ALK: variants seen among roughly 807,000 people sequenced by gnomAD.
ALK encodes ALK tyrosine kinase receptor.
A neutral mutation model predicts 163.1 loss-of-function variants in ALK; 74 were observed. The ratio of observed to expected loss-of-function variants is 0.45; its 90% CI spans 0.38 to 0.55. ALK has a LOEUF of 0.55. Among genes scored for constraint, ALK ranks in the 20% least tolerant of loss-of-function variants. ALK has a pLI of 0.00. For missense variants in ALK, 2,063 were observed against 2,105.3 expected (o/e 0.98, Z 0.39); for synonymous variants, 960 against 843.2 (o/e 1.14, Z -2.40).
intron 3 of ALK, among the ~76,000 whole-genome samples, chr2:29,677,436 A>T (rs1366485563): frequency 6.6e-6 from 1 of 151,820 alleles, no homozygotes; most frequent in Non-Finnish European, 1.5e-5. Context: ...GGTGCTCTTT[A>T]TTAGGTTAAG....
chr2:29,843,033 A>C (rs1665742362), intron 1 of ALK, among the ~76,000 whole-genome samples: 3 of 152,218 alleles, frequency 2.0e-5, no homozygotes, highest in African/African-American at 7.2e-5. Flanking sequence ...CACTGTATGA[A>C]GTCCCCAGAA....
At chr2:29,403,649 G>A (rs1025345569) in intron 4 of ALK, among the ~76,000 whole-genome samples, 2 of 138,302 alleles carry the variant, frequency 1.4e-5, no homozygotes, top group Non-Finnish European at 3.0e-5. Context: ...GCTGAGTCAG[G>A]AGGATCATTT....
rs370314651 is a variant in ALK, at chr2:29,755,608, G to A, written c.668-37911C>T. ...GAATGAGAGACAGGCTCACCATTCCGGGGTCCCCTGCATGTGCCAGGCAAC... is the reference window on the plus strand; with the variant it reads ...GAATGAGAGACAGGCTCACCATTCCAGGGTCCCCTGCATGTGCCAGGCAAC... On this transcript the variant is annotated intron_variant, in intron 1 of 28. Coordinates refer to ENST00000389048, the MANE Select transcript of ALK (RefSeq NM_004304.5). Among the ~76,000 whole-genome samples, 14 of 152,276 alleles carry A rather than the reference G, an allele frequency of 9.2e-5. 1 individual carries two copies. The highest frequency in any genetic ancestry group is 3.1e-4 in the African/African-American group (13 of 41,566).
intron 8 of ALK, among the ~76,000 whole-genome samples, chr2:29,307,939 C>T (rs1285878327): frequency 1.3e-5 from 2 of 152,148 alleles, no homozygotes; most frequent in Non-Finnish European, 2.9e-5. Flanking sequence ...AGCCAGGGAA[C>T]ACCAGTGGAC....
At chr2:29,695,279 T>TGA (rs758676449) in intron 2 of ALK, among the ~76,000 whole-genome samples, 7 of 152,246 alleles carry the variant, frequency 4.6e-5, no homozygotes, top group Non-Finnish European at 5.9e-5. Context: ...GGTTGAATGG[T>TGA]GAGAAGCTCT....
At chr2:29,203,854 G>A (rs1001310955) in intron 26 of ALK, among the ~76,000 whole-genome samples, 4 of 151,942 alleles carry the variant, frequency 2.6e-5, no homozygotes, top group African/African-American at 9.7e-5. Flanking sequence ...TTTATGTCCT[G>A]TGCTAGGAAA....
At chr2:29,713,607 T>G (rs1230735191) in intron 2 of ALK, among the ~76,000 whole-genome samples, 1 of 152,152 alleles carries the variant, frequency 6.6e-6, no homozygotes, top group Admixed American at 6.5e-5. Context: ...AAGCTCATCT[T>G]TGAAATAACT....
At chr2:29,319,587 T>G (rs1238095155) in intron 7 of ALK, among the ~76,000 whole-genome samples, 1 of 152,094 alleles carries the variant, frequency 6.6e-6, no homozygotes, top group Non-Finnish European at 1.5e-5. Flanking sequence ...GTAGAAGTCA[T>G]GGAGAGGTGG....
chr2:29,914,423 A>ATGG (rs1376513286), intron 1 of ALK, among the ~76,000 whole-genome samples: 1 of 152,220 alleles, frequency 6.6e-6, no homozygotes. Flanking sequence ...AGACAGACTA[A>ATGG]AATGTATATG....
intron 1 of ALK, among the ~76,000 whole-genome samples, chr2:29,831,108 G>GAGA (rs1187040597): frequency 7.9e-5 from 2 of 25,466 alleles, no homozygotes; most frequent in African/African-American, 1.5e-4. Flanking sequence ...GGAGGAGGAG[G>GAGA]AGAAGAAGAA....
intron 1 of ALK, among the ~76,000 whole-genome samples, chr2:29,902,289 A>T (rs1385882752): frequency 6.6e-6 from 1 of 152,192 alleles, no homozygotes; most frequent in African/African-American, 2.4e-5. Flanking sequence ...CTTGCTGGCA[A>T]AAAGTGCTAG....
chr2:29,771,534 C>G (rs1558481082), intron 1 of ALK, among the ~76,000 whole-genome samples: 1 of 148,968 alleles, frequency 6.7e-6, no homozygotes. Flanking sequence ...GAATTCTTCT[C>G]TTTTTTTTTT....
At chr2:29,229,265 T>C (rs1385738533) in intron 15 of ALK, among the ~76,000 whole-genome samples, 199 bp from the exon 16 acceptor site, 16 of 152,178 alleles carry the variant, frequency 1.1e-4, no homozygotes, top group Admixed American at 9.2e-4. Flanking sequence ...GAGACCTGTT[T>C]GGCCACAGCT....
intron 5 of ALK, among the ~76,000 whole-genome samples, chr2:29,371,672 G>A (rs139399344): frequency 2.3e-3 from 357 of 152,294 alleles, no homozygotes; most frequent in African/African-American, 7.9e-3. Flanking sequence ...GACTTGGTAC[G>A]TCAGTTTAGA....
chr2:29,554,814 G>C (rs966975582), intron 3 of ALK, among the ~76,000 whole-genome samples: 1 of 152,160 alleles, frequency 6.6e-6, no homozygotes, highest in Non-Finnish European at 1.5e-5. Context: ...TAAAGACCTT[G>C]CTGATAAAAC....
At chr2:29,304,493 T>TTA (rs376564076) in intron 8 of ALK, among the ~76,000 whole-genome samples, 1 of 125,440 alleles carries the variant, frequency 8.0e-6, no homozygotes, top group Non-Finnish European at 1.6e-5. Context: ...AGACTGTGTC[T>TTA]AAAAAAAAAA....
At chr2:29,862,418 G>A (rs1355721532) in intron 1 of ALK, among the ~76,000 whole-genome samples, 1 of 152,072 alleles carries the variant, frequency 6.6e-6, no homozygotes, top group Non-Finnish European at 1.5e-5. Context: ...CCAACGAACT[G>A]TTAGAAATAA....
At chr2:29,657,513 A>T (rs755590233) in intron 3 of ALK, among the ~76,000 whole-genome samples, 9 of 152,144 alleles carry the variant, frequency 5.9e-5, no homozygotes, top group Non-Finnish European at 1.0e-4. Context: ...CTGGGTAAAG[A>T]AGCTAGGGAA....
At chr2:29,596,833 C>A (rs550874725) in intron 3 of ALK, among the ~76,000 whole-genome samples, 7 of 152,274 alleles carry the variant, frequency 4.6e-5, no homozygotes, top group South Asian at 2.1e-4. Context: ...ATGTGGGGAG[C>A]CTCCTGGTAA....
Sources: allele counts gnomAD v4.1 joint callset (sites outside exome capture counted in the v4.1 genomes callset), GRCh38; gene constraint gnomAD v4.1.1; transcripts MANE v1.5; gene names NCBI Gene and HGNC (gene_info 2026-07-23, HGNC 2026-07-21).